Variants in LEPR observed in about 807,000 individuals in gnomAD.
LEPR encodes OB receptor.
Under a neutral mutation model 114.7 loss-of-function variants are expected in LEPR, and 56 were observed. The observed-to-expected ratio is 0.49, with a 90% confidence interval of 0.39 to 0.61. LEPR has a LOEUF of 0.61. Ranked by LOEUF, LEPR falls within the 20% of genes least tolerant of loss-of-function variation. The pLI, the probability that LEPR is intolerant of heterozygous loss-of-function variation, is 0.00. For synonymous variants in LEPR, 443 were observed against 461.4 expected, an observed-to-expected ratio of 0.96 and a Z score of 0.51; for missense variants, 1,202 against 1,352.9, an observed-to-expected ratio of 0.89 and a Z score of 1.75.
chr1:65,456,039 G>A (rs914762656), intron 2 of LEPR, among the ~76,000 whole-genome samples: 5 of 152,104 alleles, frequency 3.3e-5, no homozygotes, highest in African/African-American at 7.2e-5. Flanking sequence ...GGAGTGACCC[G>A]ATTTTCCAGG....
intron 2 of LEPR, among the ~76,000 whole-genome samples, chr1:65,518,322 A>G (rs1473400197): frequency 2.0e-5 from 3 of 152,190 alleles, no homozygotes; most frequent in Non-Finnish European, 4.4e-5. Flanking sequence ...GCTTGTTTAT[A>G]GATTTTTCTT....
chr1:65,612,197 G>A (rs561810612), intron 14 of LEPR, among the ~76,000 whole-genome samples: 5 of 152,194 alleles, frequency 3.3e-5, no homozygotes, highest in African/African-American at 7.2e-5. Flanking sequence ...CATTTCTCTG[G>A]CATTTTTAAA....
intron 2 of LEPR, chr1:65,433,761 A>C (rs1438579964): frequency 1.1e-6 from 1 of 920,446 alleles, no homozygotes; most frequent in African/African-American, 1.8e-5. Flanking sequence ...TAATAATGAC[A>C]CTTGCATTTA....
chr1:65,421,739 T>C (rs1247282998), intron 1 of LEPR, among the ~76,000 whole-genome samples: 3 of 152,214 alleles, frequency 2.0e-5, no homozygotes, highest in African/African-American at 7.2e-5. Flanking sequence ...TCGACTGTGT[T>C]ATATATCCAT....
intron 18 of LEPR, among the ~76,000 whole-genome samples, chr1:65,622,649 A>G (rs1373830437): frequency 6.6e-6 from 1 of 152,200 alleles, no homozygotes; most frequent in Non-Finnish European, 1.5e-5. Context: ...AGAGAAATCT[A>G]TCCAGTGTTT....
At position 65,633,049 on chromosome 1, in the gene LEPR, T is replaced by A; in HGVS notation, c.2674-3142T>A. The A allele has an allele frequency of 1.0e-6, 1 of 956,214 alleles. No individual in the cohort carries two copies. Among genetic ancestry groups the A allele is most frequent in the Admixed American group, 2.0e-5 (1 of 49,950 alleles). 59.2% of individuals were successfully genotyped at this position (956,214 alleles called of 1,614,324 possible). On this transcript the variant is annotated intron_variant, in intron 19 of 19. Transcript: ENST00000349533. The surrounding 1 kb of genome is among the most constrained non-coding windows in gnomAD (Gnocchi z 4.1). ...TGTAACCTAACACAAAAATTTATAG[T>A]CCAGAACCCATGCTTGACAATGTTT...
intron 2 of LEPR, among the ~76,000 whole-genome samples, chr1:65,456,206 T>C (rs1037246655): frequency 4.6e-5 from 7 of 152,088 alleles, no homozygotes; most frequent in South Asian, 2.1e-4. Flanking sequence ...GAGATGAACC[T>C]GGTACCTCAG....
chr1:65,625,866 A>G (rs944167632), intron 19 of LEPR, among the ~76,000 whole-genome samples: 7 of 152,108 alleles, frequency 4.6e-5, no homozygotes, highest in African/African-American at 1.7e-4. Context: ...ATGTCAAAAA[A>G]CCTATATACT....
chr1:65,502,998 GGAGAGAGAAA>G (rs925309528), intron 2 of LEPR, among the ~76,000 whole-genome samples: 10 of 151,390 alleles, frequency 6.6e-5, no homozygotes, highest in African/African-American at 1.5e-4. Flanking sequence ...GATGAGGGAG[GGAGAGAGAAA>G]GAGAGAGAAA....
In LEPR at chr1:65,420,745, A is replaced by T; in HGVS notation, c.-97+5A>T. 6.3e-7 allele frequency: 1 copy of T among 1,581,432 alleles called. No homozygotes were observed. On this transcript the variant is annotated splice_donor_5th_base_variant and intron_variant, in intron 1 of 19. Transcript: ENST00000349533. Reference sequence around the variant, plus strand: ...GAGACATGGCGGGCGTTAAAGGTACATCGCGGTCCCCGGCTCGCTTGTCGT... The same window carrying T: ...GAGACATGGCGGGCGTTAAAGGTACTTCGCGGTCCCCGGCTCGCTTGTCGT...
At chr1:65,619,414 C>T (rs953181840) in intron 16 of LEPR, among the ~76,000 whole-genome samples, 1 of 152,096 alleles carries the variant, frequency 6.6e-6, no homozygotes, top group African/African-American at 2.4e-5. Context: ...TTCCATGGAT[C>T]AAAATCCCAG....
At chr1:65,441,705 A>G (rs1646651730) in intron 2 of LEPR, among the ~76,000 whole-genome samples, 1 of 152,194 alleles carries the variant, frequency 6.6e-6, no homozygotes. Context: ...TGATACACTA[A>G]CACCAGTGGA....
chr1:65,547,113 T>C (rs1651806289), intron 2 of LEPR, among the ~76,000 whole-genome samples: 1 of 151,842 alleles, frequency 6.6e-6, no homozygotes, highest in Non-Finnish European at 1.5e-5. Flanking sequence ...TTACATTTAT[T>C]GATTTGTGTA....
intron 2 of LEPR, among the ~76,000 whole-genome samples, chr1:65,463,991 C>A (rs1222368205): frequency 9.9e-4 from 151 of 152,320 alleles, no homozygotes; most frequent in Non-Finnish European, 1.8e-4. Flanking sequence ...TTGACTTCCT[C>A]TTTTCCTAAT....
intron 2 of LEPR, among the ~76,000 whole-genome samples, chr1:65,488,198 T>TTCTC (rs1491230036): frequency 8.1e-5 from 2 of 24,604 alleles, no homozygotes; most frequent in African/African-American, 3.7e-4. Flanking sequence ...CTTTCTTTCT[T>TTCTC]TCTTTCTTTC....
At chr1:65,621,318 G>A (rs1047205248) in intron 17 of LEPR, 35 bp from the exon 18 acceptor site, 1 of 1,569,858 alleles carries the variant, frequency 6.4e-7, no homozygotes, top group Non-Finnish European at 8.8e-7. Flanking sequence ...ATTTCCTCAA[G>A]TTTCTGAGTT....
At chr1:65,530,526 G>A (rs1240152636) in intron 2 of LEPR, among the ~76,000 whole-genome samples, 4 of 152,148 alleles carry the variant, frequency 2.6e-5, no homozygotes, top group African/African-American at 9.7e-5. Context: ...TGCTGAACAC[G>A]GGGTGGATTA....
chr1:65,575,839 T>G (rs1654546981), intron 5 of LEPR, among the ~76,000 whole-genome samples: 1 of 151,546 alleles, frequency 6.6e-6, no homozygotes, highest in Admixed American at 6.6e-5. Context: ...GATTTCCTTC[T>G]ATAAGCAAGA....
intron 2 of LEPR, chr1:65,432,496 A>C: frequency 9.9e-6 from 6 of 609,080 alleles, no homozygotes; most frequent in Non-Finnish European, 1.2e-5. Flanking sequence ...AGTAAACATC[A>C]CACCCAACTT....
Sources: gnomAD v4.1 joint callset for allele counts (sites outside exome capture counted in the v4.1 genomes callset) on GRCh38, gnomAD v4.1.1 for gene constraint, Gnocchi (gnomAD v3.1) non-coding constraint, MANE v1.5 for transcripts, NCBI Gene and HGNC (gene_info 2026-07-23, HGNC 2026-07-21) for gene names.